Variants in VTI1A observed in about 807,000 individuals in gnomAD.
VTI1A encodes the protein vesicle transport through interaction with t-SNAREs homolog 1A.
VTI1A carries 22 observed loss-of-function variants against 34.9 expected under a neutral mutation model. The observed-to-expected ratio is 0.63, with a 90% CI of 0.45 to 0.90. The LOEUF is 0.90. VTI1A is among the 40% of genes least tolerant of loss of function. The probability of loss-of-function intolerance (pLI) is 0.00; values close to 1 mark genes in which losing one functional copy is unlikely to be tolerated. For missense variants in VTI1A, 268 were observed against 275.6 expected (o/e 0.97, Z 0.20); for synonymous variants, 87 against 97.3 (o/e 0.89, Z 0.62).
At chr10:112,773,262 G>C (rs1851865724) in intron 7 of VTI1A, among the ~76,000 whole-genome samples, 1 of 152,136 alleles carries the variant, frequency 6.6e-6, no homozygotes, top group Non-Finnish European at 1.5e-5. Context: ...TGGTCTTATT[G>C]AATCAATCAA....
chr10:112,600,809 G>A (rs150971111), intron 5 of VTI1A, among the ~76,000 whole-genome samples: 200 of 152,348 alleles, frequency 1.3e-3, no homozygotes, highest in African/African-American at 4.4e-3. Context: ...AATGTTTGAT[G>A]TGAATTACAT....
downstream of VTI1A, among the ~76,000 whole-genome samples, chr10:112,821,116 AG>A (rs1190945822): frequency 6.6e-6 from 1 of 152,172 alleles, no homozygotes; most frequent in Admixed American, 6.5e-5. Context: ...GACATCACAG[AG>A]GGGGCAGTCG....
chr10:112,788,850 C>G (rs1852374491), intron 7 of VTI1A, among the ~76,000 whole-genome samples: 1 of 151,936 alleles, frequency 6.6e-6, no homozygotes, highest in Non-Finnish European at 1.5e-5. Context: ...AGTCTTTGCT[C>G]TAGGAATTGT....
At chr10:112,726,363 GTTT>G (rs1850027741) in intron 7 of VTI1A, among the ~76,000 whole-genome samples, 3 of 152,154 alleles carry the variant, frequency 2.0e-5, no homozygotes, top group Admixed American at 1.3e-4. Context: ...CTATTTTTAT[GTTT>G]TTATTTCTTG....
At chr10:112,792,540 C>T (rs1160268360) in intron 7 of VTI1A, among the ~76,000 whole-genome samples, 3 of 152,176 alleles carry the variant, frequency 2.0e-5, no homozygotes, top group Non-Finnish European at 4.4e-5. Context: ...CCTACACACA[C>T]ACCTAGGGCA....
At chr10:112,747,837 G>A (rs7070850) in intron 7 of VTI1A, among the ~76,000 whole-genome samples, 2,562 of 152,098 alleles carry the variant, frequency 0.017, 75 homozygotes, top group African/African-American at 0.059. Context: ...GTGTTTCTCA[G>A]TTGTACCTAG....
chr10:112,708,042 G>A lies in VTI1A; in HGVS notation c.560+39044G>A, dbSNP rs547570648. Among the ~76,000 whole-genome samples, 8 of 152,120 alleles carry A rather than the reference G, an allele frequency of 5.3e-5. No individual in the cohort carries two copies. In the South Asian group the frequency reaches 6.2e-4, roughly 12 times the overall value. ...TAAAAGGTTGATAACATTCTTTACC[G>A]CCAAAGAAAGCAGGTTCATTTCTGT... is the stretch of plus-strand genomic sequence containing the variant. On this transcript the variant is annotated intron_variant, in intron 7 of 7. Transcript: ENST00000393077.
At chr10:112,758,563 G>T (rs1329482458) in intron 7 of VTI1A, among the ~76,000 whole-genome samples, 1 of 152,242 alleles carries the variant, frequency 6.6e-6, no homozygotes, top group Non-Finnish European at 1.5e-5. Flanking sequence ...AAGAGGAAGT[G>T]CTGGTTGCAG....
intron 5 of VTI1A, among the ~76,000 whole-genome samples, chr10:112,628,831 A>G (rs1846019075): frequency 6.6e-6 from 1 of 152,182 alleles, no homozygotes; most frequent in Admixed American, 6.5e-5. Flanking sequence ...TCCCAGAGAT[A>G]ACCACTGTTA....
chr10:112,456,864 G>T (rs1210477829), intron 1 of VTI1A, among the ~76,000 whole-genome samples: 14 of 152,220 alleles, frequency 9.2e-5, no homozygotes, highest in Non-Finnish European at 1.5e-5. Context: ...AGCAGAGACT[G>T]TAAGTTCCTA....
rs535259025 is a variant in VTI1A at position 112,816,085 on chromosome 10, C to T, written c.*702C>T. On this transcript the variant is annotated 3_prime_UTR_variant, in exon 8 of 8. Coordinates refer to ENST00000393077, the MANE Select transcript of VTI1A (RefSeq NM_145206.4). ...CTACAAGAAATATTTTCTTGCCTTCCCCAAATCCCATACTCCCCAGAATCT... is the reference window on the plus strand; with the variant it reads ...CTACAAGAAATATTTTCTTGCCTTCTCCAAATCCCATACTCCCCAGAATCT... The T allele has an allele frequency of 2.7e-5, 6 of 219,522 alleles. No individual in the cohort carries two copies. Among genetic ancestry groups the T allele is most frequent in the Non-Finnish European group, 4.6e-5 (5 of 109,604 alleles). 13.6% of individuals were successfully genotyped at this position (219,522 alleles called of 1,614,324 possible).
intron 3 of VTI1A, among the ~76,000 whole-genome samples, chr10:112,522,045 T>C (rs1356698432): frequency 6.6e-6 from 1 of 152,068 alleles, no homozygotes; most frequent in African/African-American, 2.4e-5. Context: ...TATTATTTAA[T>C]TAGAACCAGA....
chr10:112,817,035 T>C lies in VTI1A; in HGVS notation c.*1652T>C, dbSNP rs1853543251. On this transcript the variant is annotated 3_prime_UTR_variant, in exon 8 of 8. Transcript: ENST00000393077. ...GAGAAGGAGCAGGAAGCTATGCTAA[T>C]TTTCCTGTCAGCTTAAGGGATCCGT... 4.3e-6 allele frequency: 1 copy of C among 232,328 alleles called. No homozygotes were observed. The highest frequency in any genetic ancestry group is 8.5e-6 in the Non-Finnish European group (1 of 117,536). The allele number at this position is 232,328 out of a possible 1,614,324, so 14.4% of individuals were successfully genotyped here.
At chr10:112,550,904 C>T (rs1851324834) in intron 5 of VTI1A, among the ~76,000 whole-genome samples, 1 of 152,130 alleles carries the variant, frequency 6.6e-6, no homozygotes, top group East Asian at 1.9e-4. Context: ...AATCAAGTGT[C>T]TAAGGTCCTG....
Position 112,670,694 on chromosome 10 carries a change from C to T in VTI1A, c.560+1696C>T, listed in dbSNP as rs546427914. Reference sequence around the variant, plus strand: ...GCTTTCTGTAGGGAAATCATAATAACGTGGTTGTTTCAGAAGCCTACGGAA... The same window carrying T: ...GCTTTCTGTAGGGAAATCATAATAATGTGGTTGTTTCAGAAGCCTACGGAA... On this transcript the variant is annotated intron_variant, in intron 7 of 7. Coordinates refer to ENST00000393077, the MANE Select transcript of VTI1A (RefSeq NM_145206.4). Among the ~76,000 whole-genome samples, 6 of 152,234 alleles carry T rather than the reference C, an allele frequency of 3.9e-5. No homozygotes were observed. The South Asian group carries it at 1.0e-3, about 26-fold the overall frequency.
intron 7 of VTI1A, among the ~76,000 whole-genome samples, chr10:112,781,143 C>A (rs1852112656): frequency 6.6e-6 from 1 of 151,928 alleles, no homozygotes; most frequent in East Asian, 2.0e-4. Context: ...CGGGGTTTCA[C>A]CATGTTACCC....
the VTI1A span, among the ~76,000 whole-genome samples, chr10:112,835,840 G>A: frequency 3.9e-5 from 6 of 152,086 alleles, no homozygotes; most frequent in Admixed American, 3.9e-4. Context: ...TTGGGGTAGG[G>A]GGGGCAGTAA....
intron 5 of VTI1A, among the ~76,000 whole-genome samples, chr10:112,609,481 A>G (rs1370498656): frequency 6.6e-6 from 1 of 152,194 alleles, no homozygotes; most frequent in Admixed American, 6.5e-5. Flanking sequence ...GATCTTGTTA[A>G]TTTTCAAAGT....
intron 3 of VTI1A, among the ~76,000 whole-genome samples, chr10:112,508,263 G>A (rs1381238849): frequency 6.6e-6 from 1 of 152,138 alleles, no homozygotes; most frequent in Non-Finnish European, 1.5e-5. Context: ...TCATCTTTAC[G>A]AAGTGTATTT....
Sources: gnomAD v4.1 joint callset for allele counts (sites outside exome capture counted in the v4.1 genomes callset) on GRCh38, gnomAD v4.1.1 for gene constraint, MANE v1.5 for transcripts, NCBI Gene and HGNC (gene_info 2026-07-23, HGNC 2026-07-21) for gene names.